DOCK7: variants seen among roughly 807,000 people sequenced by gnomAD.
DOCK7 encodes the protein dedicator of cytokinesis protein 7.
A neutral mutation model predicts 271.0 loss-of-function variants in DOCK7; 138 were observed. The observed-to-expected ratio is 0.51, with a 90% CI of 0.44 to 0.59. The LOEUF (loss-of-function observed/expected upper bound fraction) is 0.59, where lower values mean the gene tolerates loss of function less well. DOCK7 is among the 20% of genes least tolerant of loss of function. The pLI is 0.00. For missense variants in DOCK7, 2,066 were observed against 2,592.4 expected (o/e 0.80, Z 4.41); for synonymous variants, 823 against 876.1 (o/e 0.94, Z 1.07).
At chr1:62,641,380 C>T (rs1266252529) in intron 7 of DOCK7, 7 of 400,000 alleles carry the variant, frequency 1.7e-5, no homozygotes, top group Admixed American at 1.2e-4. Context: ...CCACAGTCCA[C>T]TTTTTGTCAT....
chr1:62,668,327 G>C (rs1418211357), intron 1 of DOCK7, among the ~76,000 whole-genome samples: 3 of 152,110 alleles, frequency 2.0e-5, no homozygotes, highest in African/African-American at 7.2e-5. Context: ...AAAGACTTAA[G>C]ACTAAAAGGC....
intron 14 of DOCK7, chr1:62,604,992 G>A (rs528463434): frequency 3.5e-5 from 22 of 626,616 alleles, no homozygotes; most frequent in South Asian, 2.3e-4. Context: ...AAAGAATACC[G>A]TTTACATTTC....
chr1:62,502,800 A>G (rs1490866320), intron 37 of DOCK7, among the ~76,000 whole-genome samples: 3 of 152,174 alleles, frequency 2.0e-5, no homozygotes, highest in Non-Finnish European at 1.5e-5. Flanking sequence ...AAGGCATAAC[A>G]AAATAATAGA....
intron 2 of DOCK7, among the ~76,000 whole-genome samples, chr1:62,656,500 T>C (rs910462190): frequency 1.3e-5 from 2 of 151,996 alleles, no homozygotes; most frequent in South Asian, 2.1e-4. Context: ...ATAAAGCACA[T>C]AAAAAAGTGC....
intron 1 of DOCK7, among the ~76,000 whole-genome samples, chr1:62,667,225 A>G (rs940948687): frequency 6.6e-6 from 1 of 152,216 alleles, no homozygotes; most frequent in African/African-American, 2.4e-5. Context: ...AGTTCATACT[A>G]AAGTCATAAG....
intron 48 of DOCK7, among the ~76,000 whole-genome samples, chr1:62,468,081 C>A (rs1645727417): frequency 6.6e-6 from 1 of 152,106 alleles, no homozygotes; most frequent in African/African-American, 2.4e-5. Flanking sequence ...AGCATCAAGG[C>A]CGGGCGCGGT....
chr1:62,563,145 A>T (rs892669669), intron 18 of DOCK7, among the ~76,000 whole-genome samples: 1 of 152,068 alleles, frequency 6.6e-6, no homozygotes, highest in African/African-American at 2.4e-5. Context: ...CCTAGTGGAG[A>T]GCTTGAAATT....
chr1:62,473,925 T>A, intron 48 of DOCK7, 57 bp downstream of exon 48: 2 of 1,424,432 alleles, frequency 1.4e-6, no homozygotes, highest in Admixed American at 3.5e-5. Flanking sequence ...CCTTATGTCA[T>A]ACTGTGGTAT....
chr1:62,475,395 C>A, intron 46 of DOCK7, 44 bp from the exon 47 acceptor site: 1 of 1,570,984 alleles, frequency 6.4e-7, no homozygotes, highest in Non-Finnish European at 8.6e-7. Flanking sequence ...TGACTGAAAA[C>A]TATTTAATGA....
At chr1:62,470,426 G>T (rs1645797773) in intron 48 of DOCK7, among the ~76,000 whole-genome samples, 1 of 152,122 alleles carries the variant, frequency 6.6e-6, no homozygotes, top group Non-Finnish European at 1.5e-5. Context: ...GAGAAAGGGT[G>T]GGAAGGGATG....
intron 7 of DOCK7, among the ~76,000 whole-genome samples, chr1:62,644,271 G>A (rs1656369804): frequency 6.6e-6 from 1 of 152,170 alleles, no homozygotes; most frequent in African/African-American, 2.4e-5. Context: ...CATATAGTAG[G>A]TAAGCTTATG....
chr1:62,635,883 G>T (rs983648632), intron 8 of DOCK7, among the ~76,000 whole-genome samples: 16 of 152,108 alleles, frequency 1.1e-4, no homozygotes, highest in African/African-American at 3.4e-4. Context: ...CCAAAGTGCT[G>T]CAATTACAGA....
chr1:62,593,566 C>T (rs993601343), intron 14 of DOCK7, among the ~76,000 whole-genome samples: 7 of 151,940 alleles, frequency 4.6e-5, no homozygotes, highest in African/African-American at 9.7e-5. Flanking sequence ...AGCAAAACTC[C>T]GTCTCAAAAA....
At chr1:62,644,266 A>G (rs1021356425) in intron 7 of DOCK7, among the ~76,000 whole-genome samples, 1 of 152,214 alleles carries the variant, frequency 6.6e-6, no homozygotes, top group Non-Finnish European at 1.5e-5. Context: ...CCACACATAT[A>G]GTAGGTAAGC....
At chr1:62,584,723 G>A (rs996581029) in intron 15 of DOCK7, 18 of 1,054,994 alleles carry the variant, frequency 1.7e-5, no homozygotes, top group South Asian at 2.8e-5. Context: ...GTAAGACATC[G>A]TCCCTGCCCT....
At chr1:62,541,371 C>T (rs1477536527) in intron 25 of DOCK7, among the ~76,000 whole-genome samples, 1 of 152,236 alleles carries the variant, frequency 6.6e-6, no homozygotes, top group East Asian at 1.9e-4. Context: ...TTTACATATA[C>T]AAGTTTATAT....
At chr1:62,598,273 T>C (rs936605435) in intron 14 of DOCK7, among the ~76,000 whole-genome samples, 1 of 152,124 alleles carries the variant, frequency 6.6e-6, no homozygotes, top group African/African-American at 2.4e-5. Flanking sequence ...CACTGAAAAT[T>C]TGCATTTTAT....
At chr1:62,609,612 C>T (rs1487100743) in intron 14 of DOCK7, 1 of 152,120 alleles carries the variant, frequency 6.6e-6, no homozygotes, top group Non-Finnish European at 1.5e-5. Context: ...TTTTCACATT[C>T]CTTTAAGTAA....
In DOCK7 at chr1:62,619,886, A is replaced by G. The variant is rs866356505; in HGVS notation, c.1519+14T>C. Reference sequence around the variant, plus strand: ...TAATAGTTGCAACCATTTCTACTCAAAATTTTTAAATACCTGTAATAGGTC... The same window carrying G: ...TAATAGTTGCAACCATTTCTACTCAGAATTTTTAAATACCTGTAATAGGTC... On this transcript the variant is annotated intron_variant, in intron 13 of 49. Coordinates refer to ENST00000635253, the MANE Select transcript of DOCK7 (RefSeq NM_001367561.1). 1.9e-6 allele frequency: 3 copies of G among 1,583,284 alleles called. No individual in the cohort carries two copies. The highest frequency in any genetic ancestry group is 3.4e-4 in the Middle Eastern group (2 of 5,958).
Sources: allele counts gnomAD v4.1 joint callset (sites outside exome capture counted in the v4.1 genomes callset), GRCh38; gene constraint gnomAD v4.1.1; transcripts MANE v1.5; gene names NCBI Gene and HGNC (gene_info 2026-07-23, HGNC 2026-07-21).